UBE2R2: variants seen among roughly 807,000 people sequenced by gnomAD.
UBE2R2 encodes ubiquitin conjugating enzyme E2 R2.
In UBE2R2, 1 loss-of-function variant was observed where a neutral mutation model predicts 27.8. The ratio of observed to expected loss-of-function variants is 0.04; its 90% CI spans 0.01 to 0.17. UBE2R2 has a LOEUF of 0.17. UBE2R2 is among the 10% of genes least tolerant of loss of function. The pLI, the probability that UBE2R2 is intolerant of heterozygous loss-of-function variation, is 1.00. For missense variants in UBE2R2, 100 were observed against 291.0 expected, an observed-to-expected ratio of 0.34 and a Z score of 4.78; for synonymous variants, 106 against 113.3, an observed-to-expected ratio of 0.94 and a Z score of 0.41.
At chr9:33,910,576 C>CT (rs1822461606) in intron 3 of UBE2R2, among the ~76,000 whole-genome samples, 1 of 152,234 alleles carries the variant, frequency 6.6e-6, no homozygotes, top group Non-Finnish European at 1.5e-5. Context: ...GGGATGGCAT[C>CT]TAACTTGCTC....
At chr9:33,887,703 G>A (rs1472168978) in intron 2 of UBE2R2, among the ~76,000 whole-genome samples, 1 of 151,690 alleles carries the variant, frequency 6.6e-6, no homozygotes, top group Non-Finnish European at 1.5e-5. Flanking sequence ...AGACAGTCTC[G>A]CTCTGTAGCC....
At chr9:33,868,877 C>G (rs1227540082) in intron 1 of UBE2R2, among the ~76,000 whole-genome samples, 3 of 152,138 alleles carry the variant, frequency 2.0e-5, no homozygotes, top group Non-Finnish European at 4.4e-5. Context: ...TTACCAAGTA[C>G]AATTGTATTT....
At chr9:33,887,220 C>G (rs1564000487) in intron 2 of UBE2R2, among the ~76,000 whole-genome samples, 1 of 152,076 alleles carries the variant, frequency 6.6e-6, no homozygotes, top group Non-Finnish European at 1.5e-5. Context: ...CTGTTCATTG[C>G]TAGGGTTATA....
chr9:33,834,192 C>CTTTTTTTTTTTTTTTTT (rs144998603), intron 1 of UBE2R2, among the ~76,000 whole-genome samples: 1 of 141,112 alleles, frequency 7.1e-6, no homozygotes, highest in African/African-American at 2.6e-5. Context: ...CTTGGAGCTT[C>CTTTTTTTTTTTTTTTTT]TTTTTTTTTT....
At chr9:33,861,061 C>T (rs1821223864) in intron 1 of UBE2R2, among the ~76,000 whole-genome samples, 2 of 151,442 alleles carry the variant, frequency 1.3e-5, no homozygotes, top group African/African-American at 4.8e-5. Flanking sequence ...TGGGTTCACG[C>T]CATTCTCCTG....
intron 2 of UBE2R2, among the ~76,000 whole-genome samples, chr9:33,897,109 T>C (rs1822128246): frequency 7.9e-6 from 1 of 126,156 alleles, no homozygotes; most frequent in African/African-American, 3.0e-5. Context: ...CGATCTCAGC[T>C]CACTGCAAGC....
intron 1 of UBE2R2, among the ~76,000 whole-genome samples, chr9:33,861,378 G>A (rs1821232877): frequency 6.6e-6 from 1 of 151,968 alleles, no homozygotes; most frequent in Non-Finnish European, 1.5e-5. Flanking sequence ...GACTAGCCTG[G>A]CCGACATCTC....
intron 1 of UBE2R2, among the ~76,000 whole-genome samples, chr9:33,831,579 G>T (rs570044034): frequency 6.6e-6 from 1 of 152,222 alleles, no homozygotes; most frequent in East Asian, 1.9e-4. Flanking sequence ...ACCACACCTG[G>T]CTAATTTTTG....
At position 33,867,326 on chromosome 9, in the gene UBE2R2, TCATC is replaced by T. The variant is rs1290111454; in HGVS notation, c.178-19551_178-19548del. Among the ~76,000 whole-genome samples, 6 of 152,358 alleles carry T rather than the reference TCATC, an allele frequency of 3.9e-5. No individual in the cohort carries two copies. The South Asian group carries it at 6.2e-4, about 16-fold the overall frequency. On this transcript the variant is annotated intron_variant, in intron 1 of 4. Transcript: ENST00000263228. The stretch of plus-strand genomic sequence containing the variant: ...GTAATCTATAAATGACTCTTCCACT[TCATC>T]CATTCTCCTATTGAGGGTCATTTGG...
intron 2 of UBE2R2, among the ~76,000 whole-genome samples, chr9:33,887,646 TTTTGTTTGTTTGTTTG>T (rs201263026): frequency 4.4e-4 from 66 of 150,236 alleles, no homozygotes; most frequent in East Asian, 7.9e-4. Context: ...AAGTGTGCTT[TTTTGTTTGTTTGTTTG>T]TTTGTTTGTT....
chr9:33,823,258 G>A (rs1446863389), intron 1 of UBE2R2, among the ~76,000 whole-genome samples: 1 of 151,186 alleles, frequency 6.6e-6, no homozygotes, highest in African/African-American at 2.4e-5. Flanking sequence ...GGCTTGTCTT[G>A]AACTCCTGGG....
chr9:33,864,377 G>GTT, intron 1 of UBE2R2, among the ~76,000 whole-genome samples: 1 of 152,160 alleles, frequency 6.6e-6, no homozygotes, highest in African/African-American at 2.4e-5. Context: ...CCATTCATGA[G>GTT]TTATATATAT....
intron 1 of UBE2R2, chr9:33,868,464 A>G (rs888582633): frequency 2.6e-5 from 4 of 151,966 alleles, no homozygotes; most frequent in African/African-American, 9.7e-5. Context: ...CCCACATACT[A>G]TTATTGAACA....
intron 3 of UBE2R2, among the ~76,000 whole-genome samples, 194 bp downstream of exon 3, chr9:33,900,465 A>C (rs1043690918): frequency 1.3e-5 from 2 of 152,206 alleles, no homozygotes; most frequent in Non-Finnish European, 2.9e-5. Context: ...ACAATAATGT[A>C]TATGATTCTC....
At chr9:33,818,139 C>CGGGGGCGGGA (rs1563977434) in intron 1 of UBE2R2, among the ~76,000 whole-genome samples, 1 of 139,966 alleles carries the variant, frequency 7.1e-6, no homozygotes, top group Non-Finnish European at 1.6e-5. Flanking sequence ...GGGGCTCGGG[C>CGGGGGCGGGA]GGGGGCGGGA....
At chr9:33,859,805 A>T (rs80271516) in intron 1 of UBE2R2, among the ~76,000 whole-genome samples, 47 of 84,140 alleles carry the variant, frequency 5.6e-4, no homozygotes, top group South Asian at 2.8e-3. Flanking sequence ...TGTGTGAGAG[A>T]GAGAGAGAGA....
At chr9:33,877,819 G>GTCTA (rs1435783363) in intron 1 of UBE2R2, among the ~76,000 whole-genome samples, 1 of 92,968 alleles carries the variant, frequency 1.1e-5, no homozygotes, top group African/African-American at 5.7e-5. Context: ...CTGTCTGTCT[G>GTCTA]TCTGTCTCTC....
chr9:33,845,342 G>A (rs1228981616), intron 1 of UBE2R2, among the ~76,000 whole-genome samples: 3 of 151,456 alleles, frequency 2.0e-5, no homozygotes, highest in Non-Finnish European at 4.4e-5. Flanking sequence ...CGCCTCCCGG[G>A]TTCACGCCAT....
intron 3 of UBE2R2, 78 bp downstream of exon 3, chr9:33,900,349 G>A: frequency 9.7e-7 from 1 of 1,034,052 alleles, no homozygotes; most frequent in Non-Finnish European, 1.5e-6. Flanking sequence ...ATTATGTATT[G>A]TCTTTTAACA....
Sources: allele counts gnomAD v4.1 joint callset (sites outside exome capture counted in the v4.1 genomes callset), GRCh38; gene constraint gnomAD v4.1.1; transcripts MANE v1.5; gene names NCBI Gene and HGNC (gene_info 2026-07-23, HGNC 2026-07-21).